The following RYK variants were observed in gnomAD, a reference collection of about 807,000 sequenced individuals.
The protein encoded by RYK is receptor like tyrosine kinase, also known as inactive tyrosine-protein kinase RYK.
In RYK, 21 loss-of-function variants were observed where a neutral mutation model predicts 70.2. That is an observed-to-expected ratio of 0.30 (90% CI 0.21 to 0.43). The LOEUF is 0.43. Ranked by LOEUF, RYK falls within the 20% of genes least tolerant of loss-of-function variation. The probability of loss-of-function intolerance (pLI) is 1.00; values close to 1 mark genes in which losing one functional copy is unlikely to be tolerated. For synonymous variants in RYK, 267 were observed against 278.0 expected, an observed-to-expected ratio of 0.96 and a Z score of 0.39; for missense variants, 604 against 753.3, an observed-to-expected ratio of 0.80 and a Z score of 2.32.
intron 1 of RYK, among the ~76,000 whole-genome samples, chr3:134,237,852 A>G (rs2015231815): frequency 6.6e-6 from 1 of 152,206 alleles, no homozygotes; most frequent in Admixed American, 6.5e-5. Flanking sequence ...TGCCATTTAA[A>G]CCTTAAGTAA....
intron 1 of RYK, among the ~76,000 whole-genome samples, chr3:134,232,420 C>T (rs904388109): frequency 2.0e-5 from 3 of 152,152 alleles, no homozygotes; most frequent in Non-Finnish European, 4.4e-5. Context: ...AAATGACTCA[C>T]TACAAGATGA....
chr3:134,173,681 GTGGGGAT>G (rs1438794042), intron 13 of RYK, among the ~76,000 whole-genome samples: 2 of 152,078 alleles, frequency 1.3e-5, no homozygotes, highest in Non-Finnish European at 2.9e-5. Flanking sequence ...CGCCCTTGAC[GTGGGGAT>G]TATGGGAATT....
At chr3:134,219,013 A>T (rs533327155) in intron 2 of RYK, among the ~76,000 whole-genome samples, 2 of 152,226 alleles carry the variant, frequency 1.3e-5, no homozygotes, top group East Asian at 1.9e-4. Context: ...CTTCTGCCTC[A>T]CAAAGAATAT....
In RYK at chr3:134,242,080, G is replaced by A. The variant is rs557665624; in HGVS notation, c.232+8343C>T. Among the ~76,000 whole-genome samples, 44 of 152,266 alleles carry A rather than the reference G, an allele frequency of 2.9e-4. 1 individual carries two copies. Among genetic ancestry groups the A allele is most frequent in the African/African-American group, 1.1e-3 (44 of 41,558 alleles). On this transcript the variant is annotated intron_variant, in intron 1 of 14. Transcript: ENST00000623711. ...ACTTTGAAAGGAGGCCAAGGTGGGT[G>A]GATCACCTGAGGTCAGGAGTTCAAG...
chr3:134,190,029 T>A (rs925348552), intron 8 of RYK, among the ~76,000 whole-genome samples: 14 of 152,232 alleles, frequency 9.2e-5, no homozygotes. Flanking sequence ...ATAGGCTTGC[T>A]CTAATGCCTT....
At chr3:134,190,065 T>C (rs1315114534) in intron 8 of RYK, among the ~76,000 whole-genome samples, 2 of 152,230 alleles carry the variant, frequency 1.3e-5, no homozygotes, top group Non-Finnish European at 2.9e-5. Context: ...GAGTTGTTGG[T>C]ATCCATGTAT....
Position 134,246,754 on chromosome 3 carries a change from C to T in RYK, c.232+3669G>A, listed in dbSNP as rs182952589. Among the ~76,000 whole-genome samples the T allele has an allele frequency of 2.3e-3, 343 of 152,198 alleles. 1 individual carries two copies. Among genetic ancestry groups the T allele is most frequent in the African/African-American group, 7.7e-3 (320 of 41,504 alleles). On this transcript the variant is annotated intron_variant, in intron 1 of 14. Transcript: ENST00000623711. ...AGTAATTTATCTCCCATCATTCCTTCCTAAGAAGCTACTGAGGATACATAC... is the reference window on the plus strand; with the variant it reads ...AGTAATTTATCTCCCATCATTCCTTTCTAAGAAGCTACTGAGGATACATAC...
chr3:134,177,797 G>C (rs6439466), intron 11 of RYK, 144 bp downstream of exon 11: 100,637 of 686,400 alleles, frequency 0.15, 10,187 homozygotes, highest in East Asian at 0.5. Flanking sequence ...TAAGCCAACA[G>C]GTTATAAATA....
chr3:134,207,297 A>G (rs1028865836), intron 5 of RYK, among the ~76,000 whole-genome samples, 175 bp downstream of exon 5: 3 of 152,228 alleles, frequency 2.0e-5, no homozygotes, highest in African/African-American at 7.2e-5. Flanking sequence ...AAAATATTCA[A>G]TATTCTAACA....
intron 8 of RYK, 62 bp from the exon 9 acceptor site, chr3:134,188,985 T>G: frequency 1.0e-6 from 1 of 955,308 alleles, no homozygotes; most frequent in South Asian, 1.6e-5. Flanking sequence ...AGTACAAAAC[T>G]TTCTGGCACA....
chr3:134,171,951 C>T (rs943774801), intron 13 of RYK, among the ~76,000 whole-genome samples: 1 of 151,968 alleles, frequency 6.6e-6, no homozygotes, highest in African/African-American at 2.4e-5. Context: ...CTTTGAAATA[C>T]AAGCTATCAA....
rs772277472 is a variant in RYK, at chr3:134,175,707, T to A, written c.1477A>T (p.Met493Leu). ...DNALSRDLFP[M>L]DYHCLGDNEN... is the part of the protein sequence containing the mutation. ...TTGTCCCCCAGACAGTGATAGTCCA[T>A]GGGGAACAAGTCTCTGGAGAGGGCA... The change falls in exon 13 of 15, where the codon ATG becomes TTG. Residue 493 changes from methionine to leucine, a missense_variant. Physicochemically the swap from Met to Leu is conservative, Grantham distance 15. Around this residue, in one of 2 missense-constraint regions of RYK, gnomAD observed 138 missense variants for 217.4 expected, o/e 0.63. Coordinates refer to ENST00000623711, the MANE Select transcript of RYK (RefSeq NM_002958.4). The A allele has an allele frequency of 3.7e-6, 6 of 1,613,826 alleles. No homozygotes were observed. The highest frequency in any genetic ancestry group is 5.1e-6 in the Non-Finnish European group (6 of 1,179,830).
At chr3:134,215,036 A>G (rs1407748194) in intron 2 of RYK, among the ~76,000 whole-genome samples, 2 of 152,146 alleles carry the variant, frequency 1.3e-5, no homozygotes, top group Non-Finnish European at 2.9e-5. Flanking sequence ...CTACTAGGCA[A>G]TTCTATCTAA....
chr3:134,246,513 G>C (rs968968559), intron 1 of RYK, among the ~76,000 whole-genome samples: 1 of 151,722 alleles, frequency 6.6e-6, no homozygotes, highest in Non-Finnish European at 1.5e-5. Flanking sequence ...TAAAACTTCA[G>C]AATGCCAGAG....
intron 6 of RYK, 129 bp downstream of exon 6, chr3:134,202,601 T>C (rs2014059489): frequency 3.0e-6 from 2 of 671,580 alleles, no homozygotes; most frequent in African/African-American, 3.8e-5. Flanking sequence ...TCATCTTATT[T>C]TTCCTTTGGC....
chr3:134,186,209 A>C (rs1482312321), intron 9 of RYK, among the ~76,000 whole-genome samples: 1 of 152,230 alleles, frequency 6.6e-6, no homozygotes, highest in African/African-American at 2.4e-5. Context: ...ATTTCACAAT[A>C]TTTAGTGTGT....
chr3:134,162,802 A>G (rs1474596962), intron 13 of RYK, among the ~76,000 whole-genome samples: 1 of 152,184 alleles, frequency 6.6e-6, no homozygotes, highest in Non-Finnish European at 1.5e-5. Flanking sequence ...GATGGAACAG[A>G]GCCCAAAGAA....
chr3:134,201,649 T>C (rs1026049599), intron 6 of RYK, among the ~76,000 whole-genome samples: 3 of 152,060 alleles, frequency 2.0e-5, no homozygotes, highest in African/African-American at 7.2e-5. Context: ...TGGTGGAAAA[T>C]GCATGGAGGC....
At chr3:134,222,870 G>A (rs1420416404) in intron 1 of RYK, among the ~76,000 whole-genome samples, 1 of 152,154 alleles carries the variant, frequency 6.6e-6, no homozygotes, top group Non-Finnish European at 1.5e-5. Flanking sequence ...TAGAGGAACA[G>A]CTACAAAGAA....
Sources: allele counts gnomAD v4.1 joint callset (sites outside exome capture counted in the v4.1 genomes callset), GRCh38; gene constraint gnomAD v4.1.1; regional missense constraint gnomAD v4.1.1; transcripts MANE v1.5; gene names NCBI Gene and HGNC (gene_info 2026-07-23, HGNC 2026-07-21).